Variants in UNC13C observed in about 807,000 individuals in gnomAD.
The protein encoded by UNC13C is protein unc-13 homolog C.
UNC13C carries 174 observed loss-of-function variants against 245.4 expected under a neutral mutation model. The ratio of observed to expected loss-of-function variants is 0.71; its 90% confidence interval spans 0.63 to 0.80. The LOEUF is 0.80. Among genes scored for constraint, UNC13C ranks in the 30% least tolerant of loss-of-function variants. The pLI, the probability that UNC13C is intolerant of heterozygous loss-of-function variation, is 0.00. For missense variants in UNC13C, 2,829 were observed against 2,602.9 expected, an observed-to-expected ratio of 1.09 and a Z score of -1.89; for synonymous variants, 992 against 895.1, an observed-to-expected ratio of 1.11 and a Z score of -1.93.
intron 2 of UNC13C, among the ~76,000 whole-genome samples, chr15:54,079,628 A>G (rs1260262708): frequency 6.6e-6 from 1 of 152,204 alleles, no homozygotes; most frequent in East Asian, 1.9e-4. Context: ...CTATTGGTGT[A>G]TGAAATGCAA....
chr15:53,925,222 T>G, the UNC13C span, among the ~76,000 whole-genome samples: 6,689 of 152,330 alleles, frequency 0.044, 308 homozygotes, highest in East Asian at 0.21. Context: ...GAGATTCTTA[T>G]TTCAGATAGT....
At chr15:54,244,457 T>G (rs1213308566) in intron 7 of UNC13C, among the ~76,000 whole-genome samples, 1 of 152,200 alleles carries the variant, frequency 6.6e-6, no homozygotes. Flanking sequence ...TTATTCAGGC[T>G]CTTTTTGGTT....
the UNC13C span, among the ~76,000 whole-genome samples, chr15:53,928,252 T>G: frequency 6.6e-6 from 1 of 152,178 alleles, no homozygotes; most frequent in Non-Finnish European, 1.5e-5. Flanking sequence ...TCTATAGATA[T>G]TAAATTAACT....
At chr15:54,439,716 T>C (rs567525498) in intron 19 of UNC13C, among the ~76,000 whole-genome samples, 2 of 152,120 alleles carry the variant, frequency 1.3e-5, no homozygotes, top group South Asian at 4.1e-4. Flanking sequence ...GCATATAATA[T>C]GCAAGGATCA....
At chr15:53,924,066 G>T in the UNC13C span, among the ~76,000 whole-genome samples, 1 of 152,136 alleles carries the variant, frequency 6.6e-6, no homozygotes, top group Admixed American at 6.5e-5. Context: ...AATTAGCCGG[G>T]TGTAGTGGTG....
chr15:53,967,038 T>C, the UNC13C span, among the ~76,000 whole-genome samples: 1 of 152,196 alleles, frequency 6.6e-6, no homozygotes, highest in Non-Finnish European at 1.5e-5. Context: ...CTATTTCTAA[T>C]TCTTTCCTGA....
chr15:54,447,326 G>T (rs924210901), intron 19 of UNC13C, among the ~76,000 whole-genome samples: 1 of 152,098 alleles, frequency 6.6e-6, no homozygotes, highest in Non-Finnish European at 1.5e-5. Flanking sequence ...TCTATTGATT[G>T]GAATAGTTTC....
At chr15:54,161,727 T>A (rs188868755) in intron 4 of UNC13C, among the ~76,000 whole-genome samples, 6 of 152,094 alleles carry the variant, frequency 3.9e-5, no homozygotes, top group African/African-American at 1.4e-4. Context: ...AGGGTGGGCA[T>A]ATTACCTGAG....
the UNC13C span, among the ~76,000 whole-genome samples, chr15:53,885,867 C>A: frequency 6.6e-6 from 1 of 152,076 alleles, no homozygotes; most frequent in South Asian, 2.1e-4. Flanking sequence ...AGGAGTTGGT[C>A]ATTAAGTCCT....
intron 26 of UNC13C, 34 bp downstream of exon 26, chr15:54,533,100 T>G: frequency 6.5e-7 from 1 of 1,548,440 alleles, no homozygotes; most frequent in East Asian, 2.3e-5. Context: ...TCTTTACTTA[T>G]TGCCCTAAAT....
At chr15:54,589,043 CTT>C (rs1898634792) in intron 30 of UNC13C, among the ~76,000 whole-genome samples, 1 of 152,034 alleles carries the variant, frequency 6.6e-6, no homozygotes, top group Non-Finnish European at 1.5e-5. Flanking sequence ...ACTTTTAGTT[CTT>C]TCAGGAATCT....
intron 4 of UNC13C, among the ~76,000 whole-genome samples, chr15:54,181,860 C>G (rs1401382512): frequency 6.6e-6 from 1 of 151,824 alleles, no homozygotes; most frequent in Non-Finnish European, 1.5e-5. Flanking sequence ...TATAGAAATG[C>G]TACTATTTTT....
the UNC13C span, among the ~76,000 whole-genome samples, chr15:53,910,338 G>T: frequency 6.8e-6 from 1 of 145,986 alleles, no homozygotes; most frequent in African/African-American, 2.4e-5. Flanking sequence ...ATAGGCCTGG[G>T]CAGATACCCA....
intron 17 of UNC13C, among the ~76,000 whole-genome samples, chr15:54,373,339 T>C (rs2039534580): frequency 6.6e-6 from 1 of 152,170 alleles, no homozygotes; most frequent in South Asian, 2.1e-4. Flanking sequence ...ACTGGACTTG[T>C]TTCACCCACT....
chr15:54,453,931 C>G (rs1338125725), intron 19 of UNC13C, among the ~76,000 whole-genome samples: 1 of 152,032 alleles, frequency 6.6e-6, no homozygotes, highest in Non-Finnish European at 1.5e-5. Flanking sequence ...TTGTCAGTTT[C>G]CCCCTCCCTC....
At chr15:54,536,957 C>G (rs571293429) in intron 26 of UNC13C, among the ~76,000 whole-genome samples, 1 of 152,094 alleles carries the variant, frequency 6.6e-6, no homozygotes, top group Non-Finnish European at 1.5e-5. Flanking sequence ...TCCTATTCAA[C>G]ATAGTACTAG....
At chr15:53,972,369 A>G in the UNC13C span, among the ~76,000 whole-genome samples, 1 of 152,200 alleles carries the variant, frequency 6.6e-6, no homozygotes, top group Admixed American at 6.6e-5. Flanking sequence ...AGAATCTGAA[A>G]CCCTGTAAAA....
At chr15:54,628,875 G>T (rs1048031255), downstream of UNC13C, 1 of 151,984 alleles carries the variant, frequency 6.6e-6, no homozygotes, top group African/African-American at 2.4e-5. Context: ...GCAGTGTGGT[G>T]ATTCCTCAAA....
At chr15:54,283,881 T>G (rs2037070872) in intron 10 of UNC13C, among the ~76,000 whole-genome samples, 1 of 152,214 alleles carries the variant, frequency 6.6e-6, no homozygotes, top group Non-Finnish European at 1.5e-5. Flanking sequence ...TAGACAGGTC[T>G]TTTTCTAAGC....
Sources: gnomAD v4.1 joint callset for allele counts (sites outside exome capture counted in the v4.1 genomes callset) on GRCh38, gnomAD v4.1.1 for gene constraint, MANE v1.5 for transcripts, NCBI Gene and HGNC (gene_info 2026-07-23, HGNC 2026-07-21) for gene names.